Variants in MAP4K4 observed in about 807,000 individuals in gnomAD.
The protein encoded by MAP4K4 is HPK/GCK-like kinase HGK.
In MAP4K4, 38 loss-of-function variants were observed where a neutral mutation model predicts 189.6. The ratio of observed to expected loss-of-function variants is 0.20; its 90% CI spans 0.15 to 0.26. The LOEUF (loss-of-function observed/expected upper bound fraction) is 0.26. MAP4K4 is among the 10% of genes least tolerant of loss of function. MAP4K4 has a pLI of 1.00. For missense variants in MAP4K4, 1,054 were observed against 1,726.9 expected (o/e 0.61, Z 6.91); for synonymous variants, 610 against 624.3 (o/e 0.98, Z 0.34).
chr2:101,836,325 T>A (rs1341736918), intron 9 of MAP4K4, among the ~76,000 whole-genome samples: 1 of 152,250 alleles, frequency 6.6e-6, no homozygotes, highest in African/African-American at 2.4e-5. Flanking sequence ...GGCTCGCACC[T>A]GTAATCCCAG....
intron 2 of MAP4K4, among the ~76,000 whole-genome samples, chr2:101,763,477 G>A (rs769874476): frequency 1.3e-5 from 2 of 152,136 alleles, no homozygotes; most frequent in African/African-American, 2.4e-5. Context: ...TAGGGTTTTG[G>A]TGGCCAAGTT....
chr2:101,704,240 A>G (rs1318285662), intron 2 of MAP4K4, among the ~76,000 whole-genome samples: 3 of 151,748 alleles, frequency 2.0e-5, no homozygotes, highest in Admixed American at 1.3e-4. Context: ...GTTCTGAGAC[A>G]TAGATTTCCT....
intron 3 of MAP4K4, among the ~76,000 whole-genome samples, chr2:101,796,653 T>G (rs2093728348): frequency 1.3e-5 from 2 of 152,186 alleles, no homozygotes; most frequent in Admixed American, 6.5e-5. Flanking sequence ...TTAAAATTTG[T>G]TTTTAGCAGA....
Position 101,697,997 on chromosome 2 carries a change from G to C in MAP4K4, c.-84G>C, listed in dbSNP as rs1349019113. 11 of 952,322 alleles carry C rather than the reference G, an allele frequency of 1.2e-5. No individual in the cohort carries two copies. In the Admixed American group the frequency reaches 3.5e-4, roughly 30 times the overall value. The allele number at this position is 952,322 out of a possible 1,614,324, so 59.0% of individuals were successfully genotyped here. A position where few individuals can be genotyped will look rare whatever the true frequency, so the allele number is the denominator to read the frequency against. Reference sequence around the variant, plus strand: ...GGCTCGGCTGCCGCGCGAGGAGCGCGGTCGGCGGCCTGGTCTGCGGCTGAG... The same window carrying C: ...GGCTCGGCTGCCGCGCGAGGAGCGCCGTCGGCGGCCTGGTCTGCGGCTGAG... On this transcript the variant is annotated 5_prime_UTR_variant, in exon 1 of 33. Coordinates refer to ENST00000324219, the Ensembl canonical transcript of MAP4K4.
chr2:101,742,966 C>G (rs1241067595), intron 2 of MAP4K4, among the ~76,000 whole-genome samples: 2 of 152,180 alleles, frequency 1.3e-5, no homozygotes, highest in South Asian at 4.1e-4. Context: ...CCACGTCCTG[C>G]TCTTTTTGAA....
intron 3 of MAP4K4, among the ~76,000 whole-genome samples, chr2:101,822,890 G>A (rs1486190645): frequency 2.0e-5 from 3 of 152,218 alleles, no homozygotes; most frequent in Admixed American, 6.5e-5. Flanking sequence ...CTGGTCATCA[G>A]ATTTCTCTTG....
At chr2:101,771,644 A>G (rs2081474396) in intron 2 of MAP4K4, among the ~76,000 whole-genome samples, 1 of 152,120 alleles carries the variant, frequency 6.6e-6, no homozygotes. Flanking sequence ...CTCTATTCTT[A>G]AGTGCACGGA....
intron 29 of MAP4K4, 134 bp downstream of exon 29, chr2:101,885,421 TA>T (rs2098466001): frequency 1.9e-6 from 1 of 537,444 alleles, no homozygotes; most frequent in Non-Finnish European, 3.3e-6. Flanking sequence ...CATATAACTT[TA>T]TCATAAACCA....
At chr2:101,699,876 C>G (rs780383836) in intron 2 of MAP4K4, among the ~76,000 whole-genome samples, 4 of 152,168 alleles carry the variant, frequency 2.6e-5, no homozygotes, top group Non-Finnish European at 5.9e-5. Flanking sequence ...CCCGTTAACT[C>G]AGCTTGCCCG....
At chr2:101,697,983 CGCGCGAGGA>C in exon 1 of MAP4K4, 1 of 836,766 alleles carries the variant, frequency 1.2e-6, no homozygotes, top group South Asian at 2.1e-5. Context: ...GCTCGGCTGC[CGCGCGAGGA>C]GCGCGGTCGG....
intron 10 of MAP4K4, among the ~76,000 whole-genome samples, chr2:101,841,958 G>GA (rs1056252613): frequency 6.6e-6 from 1 of 152,204 alleles, no homozygotes; most frequent in African/African-American, 2.4e-5. Flanking sequence ...CTGTAGAACT[G>GA]AAAATGAGTT....
chr2:101,708,994 A>G (rs56982595), intron 2 of MAP4K4, among the ~76,000 whole-genome samples: 9,705 of 152,176 alleles, frequency 0.064, 839 homozygotes, highest in African/African-American at 0.2. Context: ...GATAGGCATG[A>G]TGTTGATGGA....
At chr2:101,710,942 C>T (rs2045142542) in intron 2 of MAP4K4, among the ~76,000 whole-genome samples, 1 of 152,158 alleles carries the variant, frequency 6.6e-6, no homozygotes, top group Non-Finnish European at 1.5e-5. Context: ...TCTCAGGAAG[C>T]CTTGCCTCCT....
At chr2:101,880,064 G>A (rs1310737412) in intron 27 of MAP4K4, among the ~76,000 whole-genome samples, 1 of 152,118 alleles carries the variant, frequency 6.6e-6, no homozygotes, top group Non-Finnish European at 1.5e-5. Flanking sequence ...TGAGTTTTAA[G>A]AGTTCTTCGT....
intron 21 of MAP4K4, among the ~76,000 whole-genome samples, chr2:101,868,903 G>T (rs529445518): frequency 6.6e-6 from 1 of 151,612 alleles, no homozygotes; most frequent in Non-Finnish European, 1.5e-5. Flanking sequence ...ACAGATCCTT[G>T]AGCTTTGGTG....
At chr2:101,881,211 C>T (rs1311834663) in intron 27 of MAP4K4, among the ~76,000 whole-genome samples, 2 of 151,762 alleles carry the variant, frequency 1.3e-5, no homozygotes, top group Non-Finnish European at 1.5e-5. Flanking sequence ...TTTATTATAC[C>T]CATTTTGTTT....
At chr2:101,743,287 T>TG (rs2063665340) in intron 2 of MAP4K4, among the ~76,000 whole-genome samples, 3 of 152,302 alleles carry the variant, frequency 2.0e-5, no homozygotes, top group South Asian at 2.1e-4. Flanking sequence ...TTGGCTTTTT[T>TG]GGGGGGTTTA....
chr2:101,871,830 C>G lies in MAP4K4; in HGVS notation c.2952+145C>G. On this transcript the variant is annotated intron_variant, in intron 24 of 32. Coordinates refer to ENST00000324219, the Ensembl canonical transcript of MAP4K4. ...TGTCACCTACCCTTCTCCCCAACCC[C>G]AAGTAACATGTTTCAGATCTGCATA... is the stretch of plus-strand genomic sequence containing the variant. 7.0e-6 allele frequency: 5 copies of G among 717,574 alleles called. No individual in the cohort carries two copies. The South Asian group carries it at 1.0e-4, about 14-fold the overall frequency. The allele number at this position is 717,574 out of a possible 1,614,324, so 44.5% of individuals were successfully genotyped here.
chr2:101,888,431 T>C (rs1559351549), intron 31 of MAP4K4, among the ~76,000 whole-genome samples: 1 of 152,238 alleles, frequency 6.6e-6, no homozygotes, highest in Non-Finnish European at 1.5e-5. Flanking sequence ...TATTTTGGTT[T>C]TATTGTAATT....
Sources: gnomAD v4.1 joint callset for allele counts (sites outside exome capture counted in the v4.1 genomes callset) on GRCh38, gnomAD v4.1.1 for gene constraint, MANE v1.5 for transcripts, NCBI Gene and HGNC (gene_info 2026-07-23, HGNC 2026-07-21) for gene names.